Variants in PDE3A observed in about 807,000 individuals in gnomAD.
PDE3A encodes the protein phosphodiesterase 3A.
PDE3A carries 43 observed loss-of-function variants against 98.3 expected under a neutral mutation model. The ratio of observed to expected loss-of-function variants is 0.44; its 90% CI spans 0.34 to 0.56. The LOEUF is 0.56. Among genes scored for constraint, PDE3A ranks in the 20% least tolerant of loss-of-function variants. The probability of loss-of-function intolerance (pLI) is 0.01; values close to 1 mark genes in which losing one functional copy is unlikely to be tolerated. For missense variants in PDE3A, 1,427 were observed against 1,440.7 expected, an observed-to-expected ratio of 0.99 and a Z score of 0.15; for synonymous variants, 663 against 567.9, an observed-to-expected ratio of 1.17 and a Z score of -2.38.
intron 6 of PDE3A, 80 bp downstream of exon 6, chr12:20,630,207 G>A (rs1163475496): frequency 3.0e-6 from 3 of 1,016,622 alleles, no homozygotes; most frequent in East Asian, 2.4e-5. Context: ...ACCAGCCCAC[G>A]CAGCTTGGGG....
chr12:20,527,059 C>T (rs1340797402), intron 1 of PDE3A, among the ~76,000 whole-genome samples: 1 of 151,976 alleles, frequency 6.6e-6, no homozygotes, highest in East Asian at 1.9e-4. Context: ...GCTAGGATTA[C>T]AGGCGCCTGC....
chr12:20,656,728 G>T (rs1379033659), intron 15 of PDE3A, among the ~76,000 whole-genome samples: 1 of 152,140 alleles, frequency 6.6e-6, no homozygotes, highest in African/African-American at 2.4e-5. Context: ...TGAAGGTATT[G>T]TCAGCTTAGC....
intron 1 of PDE3A, among the ~76,000 whole-genome samples, chr12:20,506,099 G>GGTGTGTGTGT (rs56148951): frequency 6.7e-6 from 1 of 148,796 alleles, no homozygotes; most frequent in African/African-American, 2.5e-5. Flanking sequence ...TCTAAAGGAA[G>GGTGTGTGTGT]GTGTGTGTGT....
chr12:20,481,764 A>ATTTTTTTT (rs10657239), intron 1 of PDE3A, among the ~76,000 whole-genome samples: 9,986 of 79,450 alleles, frequency 0.13, 2,104 homozygotes, highest in Admixed American at 0.16. Flanking sequence ...TGGGAAATAG[A>ATTTTTTTT]TTTTTTTTTT....
intron 1 of PDE3A, among the ~76,000 whole-genome samples, chr12:20,544,604 C>T (rs1942003766): frequency 6.6e-6 from 1 of 151,766 alleles, no homozygotes; most frequent in South Asian, 2.1e-4. Flanking sequence ...TTAGTTTGGA[C>T]CCAGTAATTA....
At chr12:20,673,997 G>T (rs989760772) in intron 15 of PDE3A, among the ~76,000 whole-genome samples, 7 of 152,040 alleles carry the variant, frequency 4.6e-5, no homozygotes, top group African/African-American at 1.4e-4. Context: ...TCTTCAACGT[G>T]TTTCATCAGA....
At chr12:20,665,689 T>C (rs970503324) in intron 15 of PDE3A, among the ~76,000 whole-genome samples, 1 of 152,164 alleles carries the variant, frequency 6.6e-6, no homozygotes, top group Non-Finnish European at 1.5e-5. Context: ...ATAAGCAATA[T>C]ATTAGTTCTA....
chr12:20,681,836 A>G lies in PDE3A; in HGVS notation c.*1565A>G, dbSNP rs1392149137. On this transcript the variant is annotated 3_prime_UTR_variant, in exon 16 of 16. Transcript: ENST00000359062. ...TTTCAATATTTTATTTCATATTATT[A>G]TATATGTCATGATAGTTATCTTGAT... is the stretch of plus-strand genomic sequence containing the variant. The G allele has an allele frequency of 6.6e-6, 1 of 151,746 alleles. No individual in the cohort carries two copies. The highest frequency in any genetic ancestry group is 2.4e-5 in the African/African-American group (1 of 41,104). The allele number at this position is 151,746 out of a possible 1,614,324, so 9.4% of individuals were successfully genotyped here. A position where few individuals can be genotyped will look rare whatever the true frequency, so the allele number is the denominator to read the frequency against.
intron 2 of PDE3A, among the ~76,000 whole-genome samples, chr12:20,563,181 A>G (rs762026937): frequency 1.3e-4 from 20 of 152,294 alleles, no homozygotes; most frequent in Admixed American, 7.2e-4. Context: ...TGATTGTAAT[A>G]CCTACTGAAG....
intron 1 of PDE3A, among the ~76,000 whole-genome samples, chr12:20,378,939 A>T (rs1316341062): frequency 6.6e-6 from 1 of 151,720 alleles, no homozygotes; most frequent in Non-Finnish European, 1.5e-5. Context: ...AATTTTAAGG[A>T]ATGCCATTCT....
intron 9 of PDE3A, among the ~76,000 whole-genome samples, chr12:20,637,876 C>T (rs1273646323): frequency 6.6e-6 from 1 of 151,974 alleles, no homozygotes; most frequent in South Asian, 2.1e-4. Context: ...TTGTTTTAAA[C>T]CATAAAACAA....
intron 15 of PDE3A, among the ~76,000 whole-genome samples, chr12:20,656,385 T>C (rs921685990): frequency 6.6e-6 from 1 of 152,220 alleles, no homozygotes; most frequent in Non-Finnish European, 1.5e-5. Flanking sequence ...TATGAACTTA[T>C]GAAGTAAAAT....
chr12:20,566,513 G>A, intron 2 of PDE3A, among the ~76,000 whole-genome samples: 1 of 151,322 alleles, frequency 6.6e-6, no homozygotes, highest in Non-Finnish European at 1.5e-5. Context: ...CACTTAAAAG[G>A]GTATTTTTTT....
At chr12:20,602,206 T>C (rs1226243444) in intron 2 of PDE3A, among the ~76,000 whole-genome samples, 1 of 152,196 alleles carries the variant, frequency 6.6e-6, no homozygotes, top group Non-Finnish European at 1.5e-5. Context: ...ATTGCCTGAA[T>C]TTATTATATC....
chr12:20,539,900 T>C (rs1239846413), intron 1 of PDE3A, among the ~76,000 whole-genome samples: 1 of 2,832 alleles, frequency 3.5e-4, no homozygotes, highest in African/African-American at 3.8e-4. Flanking sequence ...TAGGTAGTCT[T>C]ATTATTCCAT....
chr12:20,633,132 G>A (rs970732643), intron 6 of PDE3A, among the ~76,000 whole-genome samples: 8 of 152,012 alleles, frequency 5.3e-5, no homozygotes, highest in African/African-American at 1.2e-4. Flanking sequence ...TGTATTTTTA[G>A]TAGAGATGGG....
At chr12:20,668,842 A>G (rs368596512) in intron 15 of PDE3A, among the ~76,000 whole-genome samples, 8,348 of 148,402 alleles carry the variant, frequency 0.056, 541 homozygotes, top group African/African-American at 0.16. Context: ...GAACAAAGCT[A>G]GATGGAGAAT....
intron 1 of PDE3A, among the ~76,000 whole-genome samples, chr12:20,461,236 G>GAA (rs67508401): frequency 0.019 from 1,822 of 98,448 alleles, 55 homozygotes; most frequent in African/African-American, 0.039. Flanking sequence ...GTGTTTGTCA[G>GAA]AAAAAAAAAA....
chr12:20,506,840 G>A (rs1946128125), intron 1 of PDE3A, among the ~76,000 whole-genome samples: 1 of 151,894 alleles, frequency 6.6e-6, no homozygotes, highest in Admixed American at 6.6e-5. Context: ...TAGAGAAATT[G>A]ATCACTTAAT....
Sources: allele counts gnomAD v4.1 joint callset (sites outside exome capture counted in the v4.1 genomes callset), GRCh38; gene constraint gnomAD v4.1.1; transcripts MANE v1.5; gene names NCBI Gene and HGNC (gene_info 2026-07-23, HGNC 2026-07-21).